PLXDC2: variants seen among roughly 807,000 people sequenced by gnomAD.
The protein encoded by PLXDC2 is plexin domain-containing protein 2.
Under a neutral mutation model 68.9 loss-of-function variants are expected in PLXDC2, and 40 were observed. The ratio of observed to expected loss-of-function variants is 0.58; its 90% CI spans 0.45 to 0.76. The LOEUF is 0.76. Ranked by LOEUF, PLXDC2 falls within the 30% of genes least tolerant of loss-of-function variation. PLXDC2 has a pLI of 0.00. For missense variants in PLXDC2, 644 were observed against 661.9 expected, an observed-to-expected ratio of 0.97 and a Z score of 0.30; for synonymous variants, 243 against 234.2, an observed-to-expected ratio of 1.04 and a Z score of -0.34.
intron 1 of PLXDC2, among the ~76,000 whole-genome samples, chr10:19,837,761 G>C (rs1310874206): frequency 6.6e-6 from 1 of 152,074 alleles, no homozygotes; most frequent in East Asian, 1.9e-4. Context: ...GAACTTGTTA[G>C]GTCATTTATC....
At position 20,280,531 on chromosome 10, in the gene PLXDC2, A is replaced by G. The variant is rs2778958; in HGVS notation, c.*712A>G. 0.86 allele frequency: 130,124 copies of G among 152,038 alleles called. 56,133 individuals carry two copies. The highest frequency in any genetic ancestry group is 0.95 in the Middle Eastern group (278 of 294). 9.4% of individuals were successfully genotyped at this position (152,038 alleles called of 1,614,324 possible). On this transcript the variant is annotated 3_prime_UTR_variant, in exon 14 of 14. Coordinates refer to ENST00000377252, the MANE Select transcript of PLXDC2 (RefSeq NM_032812.9). Reference sequence around the variant, plus strand: ...CTGTGACAAAATTTCCGAACAATTAACTAAGGATTTGGGAAGAGGGGGTGG... The same window carrying G: ...CTGTGACAAAATTTCCGAACAATTAGCTAAGGATTTGGGAAGAGGGGGTGG...
intron 13 of PLXDC2, among the ~76,000 whole-genome samples, chr10:20,254,929 T>A (rs1835723233): frequency 6.6e-6 from 1 of 152,208 alleles, no homozygotes; most frequent in South Asian, 2.1e-4. Flanking sequence ...AAAATAAGAT[T>A]TCTTTTATAA....
In PLXDC2 at chr10:19,825,060, A is replaced by AG. The variant is rs1836545696; in HGVS notation, c.112+7869_112+7870insG. Among the ~76,000 whole-genome samples the AG allele has an allele frequency of 2.6e-5, 4 of 152,238 alleles. No individual in the cohort carries two copies. The South Asian group carries it at 8.3e-4, about 32-fold the overall frequency. Reference sequence around the variant, plus strand: ...GTACCTTTACCTTACCCTTCAAATTAAAATAGGCTGTCCTCACTCTTTCTG... The same window carrying AG: ...GTACCTTTACCTTACCCTTCAAATTAGAAATAGGCTGTCCTCACTCTTTCTG... On this transcript the variant is annotated intron_variant, in intron 1 of 13. Transcript: ENST00000377252.
chr10:20,154,372 C>T (rs893848515), intron 6 of PLXDC2, among the ~76,000 whole-genome samples: 6 of 152,036 alleles, frequency 3.9e-5, no homozygotes, highest in Admixed American at 3.9e-4. Context: ...GGAGACCAGC[C>T]TGGCAACATG....
At chr10:19,994,993 C>T (rs1049275903) in intron 1 of PLXDC2, among the ~76,000 whole-genome samples, 1 of 151,522 alleles carries the variant, frequency 6.6e-6, no homozygotes, top group Admixed American at 6.6e-5. Context: ...ATCCACCCAC[C>T]TCGGCTCCCA....
intron 1 of PLXDC2, among the ~76,000 whole-genome samples, chr10:19,836,375 A>G (rs1196902315): frequency 6.6e-6 from 1 of 152,196 alleles, no homozygotes; most frequent in Non-Finnish European, 1.5e-5. Context: ...TGTTAGGATC[A>G]CTGTCTCAAC....
chr10:20,111,097 G>A, intron 4 of PLXDC2, among the ~76,000 whole-genome samples: 1 of 152,154 alleles, frequency 6.6e-6, no homozygotes, highest in Non-Finnish European at 1.5e-5. Context: ...AACCATGGTG[G>A]GCTGCACAGA....
chr10:20,219,148 T>G (rs1482101726), intron 12 of PLXDC2, 46 bp downstream of exon 12: 1 of 1,553,464 alleles, frequency 6.4e-7, no homozygotes, highest in African/African-American at 1.4e-5. Flanking sequence ...TAAATATGAA[T>G]TCATTTCATT....
chr10:20,241,370 T>A (rs1835513787), intron 12 of PLXDC2, among the ~76,000 whole-genome samples: 1 of 152,190 alleles, frequency 6.6e-6, no homozygotes, highest in Non-Finnish European at 1.5e-5. Flanking sequence ...GCCCTCTTTT[T>A]CCTTCCTGGG....
In PLXDC2 at chr10:20,219,065, T is replaced by C. The variant is rs749879955; in HGVS notation, c.1275T>C (p.Asp425=). The C allele has an allele frequency of 1.2e-6, 2 of 1,607,996 alleles. No homozygotes were observed. The highest frequency in any genetic ancestry group is 1.7e-6 in the Non-Finnish European group (2 of 1,177,344). Residue 425 remains aspartate (D), a splice_region_variant and synonymous_variant, in exon 12 of 14, where the codon GAT becomes GAC. Transcript: ENST00000377252. ...SQFPTSLPTE[D]DTKIALHLKD... ...AGTAACTTTGAATTTCTCTTCCAGA[T>C]GATACCAAGATAGCACTACATCTAA...
At chr10:19,849,803 G>A (rs759077930) in intron 1 of PLXDC2, among the ~76,000 whole-genome samples, 1 of 152,100 alleles carries the variant, frequency 6.6e-6, no homozygotes. Flanking sequence ...TTGAATGGAT[G>A]GGATGGGTTA....
intron 13 of PLXDC2, among the ~76,000 whole-genome samples, chr10:20,249,605 C>G (rs926569743): frequency 6.6e-6 from 1 of 152,120 alleles, no homozygotes; most frequent in Non-Finnish European, 1.5e-5. Flanking sequence ...GTAAGGCCCC[C>G]TTGTGACTAC....
At chr10:20,094,218 T>C (rs1833318259) in intron 4 of PLXDC2, among the ~76,000 whole-genome samples, 2 of 152,218 alleles carry the variant, frequency 1.3e-5, no homozygotes, top group African/African-American at 4.8e-5. Flanking sequence ...CATCCTACCA[T>C]GTACATTGTT....
intron 2 of PLXDC2, among the ~76,000 whole-genome samples, chr10:20,017,807 G>A (rs953137162): frequency 6.6e-6 from 1 of 152,174 alleles, no homozygotes; most frequent in Non-Finnish European, 1.5e-5. Flanking sequence ...AATTCAAGTG[G>A]GCTTGGAGTC....
chr10:20,240,647 A>G (rs537186949), intron 12 of PLXDC2, among the ~76,000 whole-genome samples: 1 of 150,316 alleles, frequency 6.7e-6, no homozygotes, highest in East Asian at 2.0e-4. Context: ...TCTAAAGCCC[A>G]TAGAAAGAAG....
intron 13 of PLXDC2, among the ~76,000 whole-genome samples, chr10:20,258,001 T>C (rs11011917): frequency 1.4e-4 from 11 of 79,508 alleles, no homozygotes; most frequent in East Asian, 3.7e-4. Context: ...TTCTTTCTTT[T>C]TTTTTTTTTT....
At chr10:19,933,951 G>T (rs1226436785) in intron 1 of PLXDC2, among the ~76,000 whole-genome samples, 3 of 152,038 alleles carry the variant, frequency 2.0e-5, no homozygotes, top group African/African-American at 7.2e-5. Context: ...GATATCAAAT[G>T]AAATTACTTT....
chr10:19,922,829 A>C lies in PLXDC2; in HGVS notation c.113-78946A>C, dbSNP rs141662231. On this transcript the variant is annotated intron_variant, in intron 1 of 13. Coordinates refer to ENST00000377252, the MANE Select transcript of PLXDC2 (RefSeq NM_032812.9). ...ACTGGCTTCAAGGCAATGAAAGCTC[A>C]GACACTGACTCATTGAACTATTTCC... 1.4e-4 allele frequency among the ~76,000 whole-genome samples: 22 copies of C among 152,340 alleles called. 1 individual carries two copies. Among genetic ancestry groups the C allele is most frequent in the African/African-American group, 5.3e-4 (22 of 41,590 alleles).
chr10:20,184,773 C>G (rs1219516466), intron 9 of PLXDC2, among the ~76,000 whole-genome samples: 2 of 151,850 alleles, frequency 1.3e-5, no homozygotes, highest in Non-Finnish European at 2.9e-5. Context: ...GGTTTTGTCT[C>G]TATGTGCCCC....
Sources: gnomAD v4.1 joint callset for allele counts (sites outside exome capture counted in the v4.1 genomes callset) on GRCh38, gnomAD v4.1.1 for gene constraint, MANE v1.5 for transcripts, NCBI Gene and HGNC (gene_info 2026-07-23, HGNC 2026-07-21) for gene names.